ATP10D: variants seen among roughly 807,000 people sequenced by gnomAD.
The protein encoded by ATP10D is ATPase phospholipid transporting 10D (putative), also known as phospholipid-transporting ATPase VD.
ATP10D carries 89 observed loss-of-function variants against 144.8 expected under a neutral mutation model. That is an observed-to-expected ratio of 0.61 (90% CI 0.52 to 0.73). The LOEUF is 0.73. Among genes scored for constraint, ATP10D ranks in the 30% least tolerant of loss-of-function variants. The probability of loss-of-function intolerance (pLI) is 0.00; values close to 1 mark genes in which losing one functional copy is unlikely to be tolerated. For missense variants in ATP10D, 1,603 were observed against 1,714.8 expected (o/e 0.93, Z 1.15); for synonymous variants, 571 against 615.1 (o/e 0.93, Z 1.06).
chr4:47,551,506 C>T (rs1442849765), intron 10 of ATP10D, among the ~76,000 whole-genome samples: 1 of 152,184 alleles, frequency 6.6e-6, no homozygotes, highest in Non-Finnish European at 1.5e-5. Context: ...ACATCTTTTT[C>T]CTCTGGTTGT....
Position 47,523,186 on chromosome 4 carries a change from G to C in ATP10D, c.660G>C (p.Gln220His), listed in dbSNP as rs764432218. The change falls in exon 4 of 23, where the codon CAG becomes CAC. Residue 220 changes from glutamine (Q) to histidine (H), a missense_variant. Physicochemically the swap from Gln to His is conservative, Grantham distance 24 (BLOSUM62 0). Transcript: ENST00000273859. ...TTGATGGAGAGAGCAATTTAAAACA[G>C]AGGCAGGTGGTTCGGGGATATGCAG... is the stretch of plus-strand genomic sequence containing the variant. ...SGLDGESNLK[Q>H]RQVVRGYAEQ... 2.9e-5 allele frequency: 46 copies of C among 1,613,948 alleles called. No individual in the cohort carries two copies. The highest frequency in any genetic ancestry group is 1.2e-5 in the Non-Finnish European group (14 of 1,180,002).
At chr4:47,567,411 A>C (rs528172907) in intron 15 of ATP10D, among the ~76,000 whole-genome samples, 1 of 152,360 alleles carries the variant, frequency 6.6e-6, no homozygotes, top group East Asian at 1.9e-4. Context: ...ACTACAATTT[A>C]AAATCATATT....
At chr4:47,539,040 C>A (rs1393394770) in intron 9 of ATP10D, among the ~76,000 whole-genome samples, 1 of 152,188 alleles carries the variant, frequency 6.6e-6, no homozygotes, top group Non-Finnish European at 1.5e-5. Context: ...CAAGGTGCAT[C>A]TACCACGGGG....
intron 10 of ATP10D, among the ~76,000 whole-genome samples, chr4:47,548,081 C>T (rs890405530): frequency 3.9e-5 from 6 of 151,916 alleles, no homozygotes; most frequent in Non-Finnish European, 8.8e-5. Flanking sequence ...TTGTATTGAA[C>T]TTTTCATTTT....
In ATP10D at chr4:47,580,444, A is replaced by G. The variant is rs779597466; in HGVS notation, c.3614A>G (p.Tyr1205Cys). 2.5e-6 allele frequency: 4 copies of G among 1,613,572 alleles called. No homozygotes were observed. The highest frequency in any genetic ancestry group is 3.4e-6 in the Non-Finnish European group (4 of 1,179,728). ...TFWITLLDAF[Y>C]QSLVCFFVPY... ...TGGATCACCTTATTGGATGCTTTTT[A>G]TCAAAGCCTGGTCTGCTTCTTTGTG... Residue 1205 changes from tyrosine to cysteine, a missense_variant, in exon 20 of 23, where the codon TAT (tyrosine) becomes TGT (cysteine). Transcript: ENST00000273859.
chr4:47,580,564 G>A (rs1467619554), intron 20 of ATP10D, 86 bp downstream of exon 20: 7 of 1,189,570 alleles, frequency 5.9e-6, no homozygotes, highest in Non-Finnish European at 6.3e-6. Flanking sequence ...GCATAAAGGA[G>A]GGCAGATTGC....
chr4:47,554,899 C>A lies in ATP10D; in HGVS notation c.1809C>A (p.Asn603Lys). Residue 603 changes from asparagine to lysine, a missense_variant, in exon 11 of 23, where the codon AAC becomes AAA. Coordinates refer to ENST00000273859, the MANE Select transcript of ATP10D (RefSeq NM_020453.4). ...ICNTVVVSAPNQPRQKIRHPS... is the reference protein window; with the variant it reads ...ICNTVVVSAPKQPRQKIRHPS... ...ACACAGTAGTGGTTTCTGCTCCTAACCAACCCCGACAAAAGGTGAGTAAGT... is the reference window on the plus strand; with the variant it reads ...ACACAGTAGTGGTTTCTGCTCCTAAACAACCCCGACAAAAGGTGAGTAAGT... The A allele has an allele frequency of 6.2e-7, 1 of 1,613,598 alleles. No homozygotes were observed. Among genetic ancestry groups the A allele is most frequent in the South Asian group, 1.1e-5 (1 of 90,946 alleles).
chr4:47,494,368 C>T (rs1045374895), intron 1 of ATP10D, among the ~76,000 whole-genome samples: 5 of 151,912 alleles, frequency 3.3e-5, no homozygotes, highest in South Asian at 2.1e-4. Flanking sequence ...TGGTAAGGAA[C>T]GATACGCCTA....
intron 1 of ATP10D, among the ~76,000 whole-genome samples, chr4:47,496,449 G>C (rs972896606): frequency 1.3e-5 from 2 of 152,140 alleles, no homozygotes; most frequent in Admixed American, 1.3e-4. Flanking sequence ...GAGCCACCGC[G>C]CCCGGCTGTG....
intron 22 of ATP10D, 56 bp from the exon 23 acceptor site, chr4:47,590,986 G>A (rs959385550): frequency 3.3e-6 from 4 of 1,207,114 alleles, no homozygotes; most frequent in Non-Finnish European, 3.4e-6. Flanking sequence ...TGGGGGGGGG[G>A]GTTCTGTAAT....
chr4:47,528,218 A>C (rs1258436371), intron 5 of ATP10D, among the ~76,000 whole-genome samples: 1 of 152,114 alleles, frequency 6.6e-6, no homozygotes, highest in Non-Finnish European at 1.5e-5. Context: ...TGTTTCTAAT[A>C]GGTAATTTTT....
At chr4:47,589,134 GA>G (rs1227153763) in intron 22 of ATP10D, among the ~76,000 whole-genome samples, 1 of 152,152 alleles carries the variant, frequency 6.6e-6, no homozygotes, top group African/African-American at 2.4e-5. Flanking sequence ...CACAAGCCAA[GA>G]AATGTCAGAA....
At chr4:47,553,797 G>A (rs1433832249) in intron 10 of ATP10D, among the ~76,000 whole-genome samples, 1 of 152,172 alleles carries the variant, frequency 6.6e-6, no homozygotes. Context: ...ATAATCTTCT[G>A]AGTCCATGTC....
intron 15 of ATP10D, 109 bp from the exon 16 acceptor site, chr4:47,568,727 AT>A: frequency 1.1e-6 from 1 of 913,422 alleles, no homozygotes; most frequent in Non-Finnish European, 1.7e-6. Flanking sequence ...GTTATTCATT[AT>A]TTGAGGTTTT....
rs375583564 is a variant in ATP10D, at chr4:47,558,108, G to C, written c.2269G>C (p.Ala757Pro). ...ACCAGAGCAGGTCATGGTGGACTTTGCTGCTTTGGGACCATTAACATTTCA... is the reference window on the plus strand; with the variant it reads ...ACCAGAGCAGGTCATGGTGGACTTTCCTGCTTTGGGACCATTAACATTTCA... ...RTPEQVMVDF[A>P]ALGPLTFQLL... Residue 757 changes from alanine to proline, a missense_variant, in exon 12 of 23, where the codon GCT (alanine) becomes CCT (proline). Transcript: ENST00000273859. The C allele has an allele frequency of 8.1e-6, 13 of 1,614,088 alleles. No homozygotes were observed. The African/African-American group carries it at 1.5e-4, about 18-fold the overall frequency.
Position 47,563,715 on chromosome 4 carries a change from A to G in ATP10D, c.2803A>G (p.Lys935Glu), listed in dbSNP as rs762763809. 5.6e-6 allele frequency: 9 copies of G among 1,613,370 alleles called. No homozygotes were observed. In the Admixed American group the frequency reaches 1.5e-4, roughly 27 times the overall value. Residue 935 changes from lysine to glutamate, a missense_variant, in exon 15 of 23, where the codon AAA becomes GAA. Physicochemically the swap from Lys to Glu is moderately conservative, Grantham distance 56. Coordinates refer to ENST00000273859, the MANE Select transcript of ATP10D (RefSeq NM_020453.4). ...ETAVNIAYAC[K>E]LLEPDDKLFI... ...AGCTGTCAACATAGCTTATGCATGC[A>G]AACTACTGGAGCCAGATGACAAGCT... is the stretch of plus-strand genomic sequence containing the variant.
At chr4:47,584,511 G>A (rs1720687465) in intron 21 of ATP10D, among the ~76,000 whole-genome samples, 1 of 152,106 alleles carries the variant, frequency 6.6e-6, no homozygotes, top group East Asian at 1.9e-4. Flanking sequence ...TTCTGCCTCA[G>A]CCTCCCGAGT....
chr4:47,537,340 G>C lies in ATP10D; in HGVS notation c.1396+402G>C, dbSNP rs533506430. On this transcript the variant is annotated intron_variant, in intron 9 of 22. Transcript: ENST00000273859. ...GGCCCCTAGGTATCCATTGGTGCTT[G>C]ATTAAGAATAACTAGTTTAAGCAAA... 4.4e-4 allele frequency among the ~76,000 whole-genome samples: 67 copies of C among 152,242 alleles called. 1 individual carries two copies. Among genetic ancestry groups the C allele is most frequent in the Non-Finnish European group, 6.5e-4 (44 of 68,006 alleles).
At chr4:47,494,445 A>G (rs1715246721) in intron 1 of ATP10D, among the ~76,000 whole-genome samples, 2 of 151,098 alleles carry the variant, frequency 1.3e-5, no homozygotes, top group African/African-American at 2.4e-5. Context: ...AAATATTTTC[A>G]TAGTGCATCT....
Sources: gnomAD v4.1 joint callset for allele counts (sites outside exome capture counted in the v4.1 genomes callset) on GRCh38, gnomAD v4.1.1 for gene constraint, MANE v1.5 for transcripts, NCBI Gene and HGNC (gene_info 2026-07-23, HGNC 2026-07-21) for gene names.